The following CES5A variants were observed in gnomAD, a reference collection of about 807,000 sequenced individuals.
CES5A encodes the protein carboxylesterase 5A.
CES5A carries 67 observed loss-of-function variants against 62.9 expected under a neutral mutation model. The ratio of observed to expected loss-of-function variants is 1.07; its 90% CI spans 0.88 to 1.31. CES5A has a LOEUF of 1.31. CES5A is among the 50% of genes most tolerant of loss of function. The probability of loss-of-function intolerance (pLI) is 0.00; values close to 1 mark genes in which losing one functional copy is unlikely to be tolerated. For synonymous variants in CES5A, 296 were observed against 280.8 expected (o/e 1.05, Z -0.54); for missense variants, 748 against 708.5 (o/e 1.06, Z -0.63).
At chr16:55,862,106 C>T (rs1436470933) in intron 6 of CES5A, among the ~76,000 whole-genome samples, 1 of 152,170 alleles carries the variant, frequency 6.6e-6, no homozygotes, top group African/African-American at 2.4e-5. Context: ...CCTTTCAGGG[C>T]ATTGCAGCCC....
chr16:55,938,886 GAA>G (rs2034416878), intron 2 of CES5A, among the ~76,000 whole-genome samples: 1 of 143,960 alleles, frequency 6.9e-6, no homozygotes, highest in Non-Finnish European at 1.5e-5. Context: ...TTAAGTGGCA[GAA>G]ACACCAACTG....
Position 55,854,531 on chromosome 16 carries a change from C to CTTTTTTTTTTCTTT in CES5A, c.1126-1504_1126-1503insAAAGAAAAAAAAAA, listed in dbSNP as rs1555479324. On this transcript the variant is annotated intron_variant, in intron 9 of 12. Coordinates refer to ENST00000290567, the MANE Select transcript of CES5A (RefSeq NM_001143685.2). ...TGAGGGATATCTGCCTGTAGTGTTTCTTTTTTTTTTTTCTTTTTTTTTTTT... is the reference window on the plus strand; with the variant it reads ...TGAGGGATATCTGCCTGTAGTGTTTCTTTTTTTTTTCTTTTTTTTTTTTTTTCTTTTTTTTTTTT... Among the ~76,000 whole-genome samples the CTTTTTTTTTTCTTT allele has an allele frequency of 2.9e-3, 150 of 52,102 alleles. 11 individuals carry two copies. Among genetic ancestry groups the CTTTTTTTTTTCTTT allele is most frequent in the East Asian group, 0.027 (43 of 1,600 alleles). The allele number at this position is 52,102 out of a possible 152,430, so 34.2% of individuals were successfully genotyped here. A position where few individuals can be genotyped will look rare whatever the true frequency, so the allele number is the denominator to read the frequency against.
intron 8 of CES5A, among the ~76,000 whole-genome samples, chr16:55,857,720 A>G (rs750032156): frequency 9.9e-5 from 15 of 152,218 alleles, no homozygotes; most frequent in Non-Finnish European, 2.1e-4. Flanking sequence ...AAATTCTGTC[A>G]CTTGAATAAC....
At chr16:55,887,185 C>T (rs906933546) in intron 1 of CES5A, among the ~76,000 whole-genome samples, 5 of 152,072 alleles carry the variant, frequency 3.3e-5, no homozygotes, top group Admixed American at 1.3e-4. Context: ...GTCACCATCA[C>T]TCTGCATCAC....
chr16:55,915,064 C>A (rs1029831474), intron 1 of CES5A, among the ~76,000 whole-genome samples: 1 of 151,714 alleles, frequency 6.6e-6, no homozygotes, highest in African/African-American at 2.4e-5. Context: ...TTTCCCCAGT[C>A]CCATTGTGCA....
intron 1 of CES5A, among the ~76,000 whole-genome samples, chr16:55,901,157 A>C (rs1424606059): frequency 6.6e-6 from 1 of 152,162 alleles, no homozygotes; most frequent in Non-Finnish European, 1.5e-5. Context: ...ATAGTGACTA[A>C]GTCTCACAAG....
At chr16:55,874,096 A>T in intron 1 of CES5A, 59 bp from the exon 2 acceptor site, 1 of 1,477,934 alleles carries the variant, frequency 6.8e-7, no homozygotes, top group South Asian at 1.2e-5. Flanking sequence ...GCAATGGCCC[A>T]CCCAGTCTGG....
intron 2 of CES5A, among the ~76,000 whole-genome samples, chr16:55,936,726 A>T (rs1362611482): frequency 6.6e-6 from 1 of 152,232 alleles, no homozygotes; most frequent in Non-Finnish European, 1.5e-5. Context: ...TCCACCAGCC[A>T]AAATAGTTTT....
At chr16:55,951,532 C>A (rs1034326299) in intron 1 of CES5A, among the ~76,000 whole-genome samples, 4 of 152,004 alleles carry the variant, frequency 2.6e-5, no homozygotes, top group Non-Finnish European at 4.4e-5. Flanking sequence ...AACTAACATC[C>A]AGATACATGC....
intron 8 of CES5A, among the ~76,000 whole-genome samples, chr16:55,858,349 G>A (rs62038759): frequency 1.5e-3 from 228 of 152,336 alleles, no homozygotes; most frequent in Non-Finnish European, 2.6e-3. Context: ...AATCATGCCT[G>A]TTTTCAAGTT....
rs368558574 is a variant in CES5A, at chr16:55,950,974, C to T, written c.43-1072G>A. 1.8e-3 allele frequency among the ~76,000 whole-genome samples: 277 copies of T among 151,572 alleles called. 2 individuals are homozygous for T. The highest frequency in any genetic ancestry group is 6.3e-3 in the African/African-American group (261 of 41,324). On this transcript the variant is annotated intron_variant, in intron 1 of 13. Transcript: ENST00000521992. ...AAAATTAGCCAGGCGTGGTGGTGGG[C>T]GCCTGTAGTCCCAGCTACTCAGGAG...
rs558021608 is a variant in CES5A, at chr16:55,885,906, T to C, written c.-255-11869A>G. On this transcript the variant is annotated intron_variant, in intron 1 of 12. Coordinates refer to the CES5A transcript ENST00000518005. ...CAGCAACAAGATGAGGCAAGCACAT[T>C]TGGTACATTAGAAATAGTGACTGAG... Among the ~76,000 whole-genome samples the C allele has an allele frequency of 2.0e-5, 3 of 152,308 alleles. No homozygotes were observed. In the East Asian group the frequency reaches 5.8e-4, roughly 29 times the overall value.
At chr16:55,889,136 G>GA (rs78024268) in intron 1 of CES5A, among the ~76,000 whole-genome samples, 284 of 131,512 alleles carry the variant, frequency 2.2e-3, no homozygotes, top group East Asian at 9.0e-3. Context: ...CTAAGACATA[G>GA]AAAAAAAAAA....
At chr16:55,930,359 G>C (rs540115162), upstream of CES5A, among the ~76,000 whole-genome samples, 7 of 152,108 alleles carry the variant, frequency 4.6e-5, no homozygotes, top group African/African-American at 1.4e-4. Flanking sequence ...CTGTCTCTCC[G>C]AATATGCTGT....
intron 2 of CES5A, 125 bp downstream of exon 2, chr16:55,873,708 C>T (rs1165296070): frequency 5.7e-6 from 5 of 882,938 alleles, no homozygotes; most frequent in Non-Finnish European, 7.0e-6. Context: ...GCCCGAGTCT[C>T]AAGCCCTCTC....
At chr16:55,919,078 C>T (rs764332857) in intron 1 of CES5A, among the ~76,000 whole-genome samples, 4 of 152,224 alleles carry the variant, frequency 2.6e-5, no homozygotes, top group East Asian at 3.9e-4. Flanking sequence ...CATCTCTAAT[C>T]GGCTGAGACC....
Position 55,870,027 on chromosome 16 carries a change from T to C in CES5A, c.418-283A>G, listed in dbSNP as rs575277450. 2.0e-5 allele frequency among the ~76,000 whole-genome samples: 3 copies of C among 152,358 alleles called. No homozygotes were observed. The East Asian group carries it at 5.8e-4, about 29-fold the overall frequency. On this transcript the variant is annotated intron_variant, in intron 3 of 12. Transcript: ENST00000290567. Reference sequence around the variant, plus strand: ...ATCTGTAAAATGTGAAGAAGGAAAGTATCTCACTTATGAAGTTATCATGAG... The same window carrying C: ...ATCTGTAAAATGTGAAGAAGGAAAGCATCTCACTTATGAAGTTATCATGAG...
At chr16:55,936,130 T>C (rs1187986721) in intron 2 of CES5A, among the ~76,000 whole-genome samples, 1 of 152,198 alleles carries the variant, frequency 6.6e-6, no homozygotes, top group African/African-American at 2.4e-5. Flanking sequence ...CCTTGGATCC[T>C]CTGTCACCTC....
At chr16:55,907,700 G>A (rs1421806947) in intron 1 of CES5A, among the ~76,000 whole-genome samples, 2 of 152,164 alleles carry the variant, frequency 1.3e-5, no homozygotes, top group Admixed American at 1.3e-4. Flanking sequence ...ATTCTCAGGT[G>A]AGCCCCCCAC....
Sources: allele counts gnomAD v4.1 joint callset (sites outside exome capture counted in the v4.1 genomes callset), GRCh38; gene constraint gnomAD v4.1.1; transcripts MANE v1.5; gene names NCBI Gene and HGNC (gene_info 2026-07-23, HGNC 2026-07-21).